Variants in IGFN1 observed in about 807,000 individuals in gnomAD.
The protein encoded by IGFN1 is immunoglobulin like and fibronectin type III domain containing 1.
In IGFN1, 253 loss-of-function variants were observed where a neutral mutation model predicts 289.5. The ratio of observed to expected loss-of-function variants is 0.87; its 90% CI spans 0.79 to 0.97. IGFN1 has a LOEUF of 0.97. IGFN1 is among the 50% of genes least tolerant of loss of function. The pLI, the probability that IGFN1 is intolerant of heterozygous loss-of-function variation, is 0.00. For missense variants in IGFN1, 4,470 were observed against 4,686.1 expected, an observed-to-expected ratio of 0.95 and a Z score of 1.35; for synonymous variants, 1,706 against 1,788.5, an observed-to-expected ratio of 0.95 and a Z score of 1.16.
At chr1:201,222,496 G>A in intron 19 of IGFN1, 1 of 431,892 alleles carries the variant, frequency 2.3e-6, no homozygotes, top group South Asian at 4.9e-5. Flanking sequence ...CCCTCTCCCT[G>A]CAGGGTTCCT....
At chr1:201,204,964 T>C (rs890919282) in intron 10 of IGFN1, 118 bp from the exon 11 acceptor site, 1 of 1,001,684 alleles carries the variant, frequency 1.0e-6, no homozygotes, top group Admixed American at 2.8e-5. Flanking sequence ...CAAGGTAACA[T>C]GGGGAGTTTG....
At position 201,197,227 on chromosome 1, in the gene IGFN1, C is replaced by G. The variant is rs1215974725; in HGVS notation, c.277C>G (p.Leu93Val). ...SKEHVLQINK[L>V]TGEDTDLYRC... ...CTTGGCCTCTCTGCAGATCAACAAG[C>G]TGACAGGCGAGGACACGGATCTGTA... Residue 93 changes from leucine to valine, a missense_variant, in exon 5 of 24, where the codon CTG becomes GTG. Transcript: ENST00000335211. The G allele has an allele frequency of 6.5e-7, 1 of 1,550,096 alleles. No individual in the cohort carries two copies. Among genetic ancestry groups the G allele is most frequent in the Admixed American group, 2.0e-5 (1 of 50,994 alleles).
At chr1:201,197,438 C>A in intron 5 of IGFN1, 121 bp downstream of exon 5, 1 of 674,100 alleles carries the variant, frequency 1.5e-6, no homozygotes, top group South Asian at 1.7e-5. Flanking sequence ...CAGGCTGCTG[C>A]CGCTGCTGCA....
In IGFN1 at chr1:201,212,058, A is replaced by G; in HGVS notation, c.7165A>G (p.Arg2389Gly). 1 of 1,536,392 alleles carries G rather than the reference A, an allele frequency of 6.5e-7. No individual in the cohort carries two copies. Among genetic ancestry groups the G allele is most frequent in the South Asian group, 1.2e-5 (1 of 84,064 alleles). The change falls in exon 12 of 24, where the codon AGG becomes GGG. Residue 2389 changes from arginine (R) to glycine (G), a missense_variant. Transcript: ENST00000335211. ...CAGAGGCCATAAAGCCATGGGTCAC[A>G]GGTCAGGATATTGGGTAGCATCAGA... is the stretch of plus-strand genomic sequence containing the variant. Reference protein sequence around the residue: ...GPRGHKAMGHRSGYWVASEGD... With the variant: ...GPRGHKAMGHGSGYWVASEGD...
At chr1:201,217,564 G>A (rs1209890923) in intron 17 of IGFN1, 104 bp downstream of exon 17, 2 of 1,227,202 alleles carry the variant, frequency 1.6e-6, no homozygotes, top group Non-Finnish European at 2.3e-6. Flanking sequence ...TTCTCGTCTA[G>A]GGTGGTTTGG....
chr1:201,205,259 AC>A lies in IGFN1; in HGVS notation c.1096del (p.Arg366GlyfsTer4), dbSNP rs1172108121. 2 of 1,550,930 alleles carry A rather than the reference AC, an allele frequency of 1.3e-6. No homozygotes were observed. The highest frequency in any genetic ancestry group is 1.7e-6 in the Non-Finnish European group (2 of 1,146,956). ...TATGTGTCCCCTGACGGGCTGACCC[AC>A]CGGCTGGTGGTGAGGGGGGCACGTT... is the stretch of plus-strand genomic sequence containing the variant. Reference protein sequence around the residue: ...EVYVSPDGLTHRLVVRGARFS... With the variant: ...EVYVSPDGLTXRLVVRGARFS... On this transcript the variant is annotated frameshift_variant, in exon 11 of 24. Coordinates refer to ENST00000335211, the MANE Select transcript of IGFN1 (RefSeq NM_001164586.2). LOFTEE classifies it high-confidence loss of function.
intron 5 of IGFN1, 129 bp from the exon 6 acceptor site, chr1:201,199,205 G>A (rs899432462): frequency 1.7e-5 from 13 of 784,642 alleles, no homozygotes; most frequent in African/African-American, 8.6e-5. Context: ...GATCGTCCAC[G>A]CCTTAGAGGA....
rs1391334165 is a variant in IGFN1, at chr1:201,209,175, T to A, written c.4282T>A (p.Leu1428Met). ...AATGGGGTCAGGTTATAGGGAGGATTTGGGGGCTCCTGAGGGAATGGGCAC... is the reference window on the plus strand; with the variant it reads ...AATGGGGTCAGGTTATAGGGAGGATATGGGGGCTCCTGAGGGAATGGGCAC... ...GEMGSGYRED[L>M]GAPEGMGTGS... The change falls in exon 12 of 24, where the codon TTG becomes ATG. Residue 1428 changes from leucine to methionine, a missense_variant. Physicochemically the swap from Leu to Met is conservative, Grantham distance 15. Around this residue, in one of 8 missense-constraint regions of IGFN1, gnomAD observed 2,011 missense variants for 1,953.4 expected, o/e 1.03. Transcript: ENST00000335211. 10 of 1,508,254 alleles carry A rather than the reference T, an allele frequency of 6.6e-6. No individual in the cohort carries two copies. Among genetic ancestry groups the A allele is most frequent in the Non-Finnish European group, 7.9e-6 (9 of 1,135,162 alleles). 93.4% of individuals were successfully genotyped at this position (1,508,254 alleles called of 1,614,324 possible).
In IGFN1 at chr1:201,221,527, C is replaced by T. The variant is rs373625559; in HGVS notation, c.9982C>T (p.Gln3328Ter). 47 of 1,613,980 alleles carry T rather than the reference C, an allele frequency of 2.9e-5. No homozygotes were observed. The highest frequency in any genetic ancestry group is 3.8e-5 in the Non-Finnish European group (45 of 1,180,010). ...TCTGAGCTGGGCTGGGCCAGACACC[C>T]AGGAAGGGGATGAAGCCCAGGGGTA... is the stretch of plus-strand genomic sequence containing the variant. ...ITLSWAGPDT[Q>*]EGDEAQGYVV... is the part of the protein sequence containing the mutation. The change falls in exon 19 of 24, where the codon CAG becomes TAG. Residue 3328 changes from glutamine (Q) to a stop codon, truncating the protein, a stop_gained. Coordinates refer to ENST00000335211, the MANE Select transcript of IGFN1 (RefSeq NM_001164586.2). LOFTEE classifies it high-confidence loss of function.
Position 201,207,098 on chromosome 1 carries a change from T to C in IGFN1, c.2205T>C (p.Gly735=). 6.5e-7 allele frequency: 1 copy of C among 1,536,984 alleles called. No homozygotes were observed. The highest frequency in any genetic ancestry group is 8.7e-7 in the Non-Finnish European group (1 of 1,146,864). ...KDFQEPSISG[G]RKFLLGDGSP... The stretch of plus-strand genomic sequence containing the variant: ...TCCAGGAACCATCAATATCAGGTGG[T>C]AGAAAATTCCTTCTGGGAGATGGGA... Residue 735 remains glycine (G), a synonymous_variant, in exon 12 of 24, where the codon GGT becomes GGC. Coordinates refer to ENST00000335211, the MANE Select transcript of IGFN1 (RefSeq NM_001164586.2).
chr1:201,195,876 G>T lies in IGFN1; in HGVS notation c.165G>T (p.Glu55Asp), dbSNP rs868734535. Residue 55 changes from glutamate (E) to aspartate (D), a missense_variant, in exon 4 of 24, where the codon GAG (glutamate) becomes GAT (aspartate). Around this residue, in one of 8 missense-constraint regions of IGFN1, gnomAD observed 2,011 missense variants for 1,953.4 expected, o/e 1.03. Coordinates refer to ENST00000335211, the MANE Select transcript of IGFN1 (RefSeq NM_001164586.2). ...NAVFRAVVCG[E>D]PRPEVRWQNS... Reference sequence around the variant, plus strand: ...TCTTTCGGGCTGTGGTCTGTGGGGAGCCCAGGCCCGAGGTGCGTTGGCAGA... The same window carrying T: ...TCTTTCGGGCTGTGGTCTGTGGGGATCCCAGGCCCGAGGTGCGTTGGCAGA... 3.8e-5 allele frequency: 59 copies of T among 1,551,564 alleles called. No individual in the cohort carries two copies. Among genetic ancestry groups the T allele is most frequent in the Admixed American group, 2.4e-4 (12 of 50,982 alleles).
At chr1:201,225,272 A>AG (rs879665267) in intron 21 of IGFN1, among the ~76,000 whole-genome samples, 1 of 152,306 alleles carries the variant, frequency 6.6e-6, no homozygotes, top group African/African-American at 2.4e-5. Flanking sequence ...CCTGCCCTGG[A>AG]GGAGCTTCTG....
At position 201,212,180 on chromosome 1, in the gene IGFN1, G is replaced by A; in HGVS notation, c.7287G>A (p.Met2429Ile). Reference protein sequence around the residue: ...GPGVEPGMAGMPGTAGGMAHR... With the variant: ...GPGVEPGMAGIPGTAGGMAHR... Reference sequence around the variant, plus strand: ...GGGTGGAACCTGGGATGGCTGGAATGCCAGGCACTGCAGGTGGCATGGCAC... The same window carrying A: ...GGGTGGAACCTGGGATGGCTGGAATACCAGGCACTGCAGGTGGCATGGCAC... The change falls in exon 12 of 24, where the codon ATG (methionine) becomes ATA (isoleucine). Residue 2429 changes from methionine (M) to isoleucine (I), a missense_variant. Transcript: ENST00000335211. 6.5e-7 allele frequency: 1 copy of A among 1,535,756 alleles called. No individual in the cohort carries two copies. The highest frequency in any genetic ancestry group is 2.0e-5 in the Admixed American group (1 of 50,956).
intron 18 of IGFN1, among the ~76,000 whole-genome samples, chr1:201,219,929 TTC>T (rs1653603098): frequency 1.3e-5 from 1 of 76,602 alleles, no homozygotes; most frequent in South Asian, 6.3e-4. Flanking sequence ...TTTCTTTTCT[TTC>T]TCTCTCTCCT....
chr1:201,192,405 A>G lies in IGFN1; in HGVS notation c.-47-842A>G, dbSNP rs138568448. Among the ~76,000 whole-genome samples, 1,384 of 152,154 alleles carry G rather than the reference A, an allele frequency of 9.1e-3. 10 individuals are homozygous for G. Among genetic ancestry groups the G allele is most frequent in the Admixed American group, 0.017 (260 of 15,282 alleles). ...TCAAGACATCCCCCCTCCCTGATTT[A>G]TGGCTCTCATCCCACCCCAGACCCA... On this transcript the variant is annotated intron_variant, in intron 1 of 23. Coordinates refer to ENST00000335211, the MANE Select transcript of IGFN1 (RefSeq NM_001164586.2).
rs997922140 is a variant in IGFN1 at position 201,208,866 on chromosome 1, A to G, written c.3973A>G (p.Arg1325Gly). The G allele has an allele frequency of 1.3e-6, 2 of 1,536,688 alleles. No homozygotes were observed. Among genetic ancestry groups the G allele is most frequent in the Non-Finnish European group, 1.7e-6 (2 of 1,146,778 alleles). The change falls in exon 12 of 24, where the codon AGG becomes GGG. Residue 1325 changes from arginine to glycine, a missense_variant. Around this residue, in one of 8 missense-constraint regions of IGFN1, gnomAD observed 2,011 missense variants for 1,953.4 expected, o/e 1.03. Transcript: ENST00000335211. Reference sequence around the variant, plus strand: ...GGGGTCAATGGATGAAGCAGGTTATAGGAAAGATTTAGGGGCTCCTGAGGG... The same window carrying G: ...GGGGTCAATGGATGAAGCAGGTTATGGGAAAGATTTAGGGGCTCCTGAGGG... ...AMGSMDEAGY[R>G]KDLGAPEGIS...
chr1:201,224,634 C>A, intron 20 of IGFN1, 45 bp from the exon 21 acceptor site: 1 of 1,558,016 alleles, frequency 6.4e-7, no homozygotes, highest in Non-Finnish European at 8.8e-7. Context: ...CTCCATGAAA[C>A]TGCCAGCTTC....
chr1:201,212,572 T>A lies in IGFN1; in HGVS notation c.7679T>A (p.Met2560Lys). 6.5e-7 allele frequency: 1 copy of A among 1,549,708 alleles called. No homozygotes were observed. Among genetic ancestry groups the A allele is most frequent in the South Asian group, 1.2e-5 (1 of 83,900 alleles). The change falls in exon 12 of 24, where the codon ATG becomes AAG. Residue 2560 changes from methionine (M) to lysine (K), a missense_variant. Met to Lys is a moderately conservative substitution (Grantham distance 95, BLOSUM62 -1). Coordinates refer to ENST00000335211, the MANE Select transcript of IGFN1 (RefSeq NM_001164586.2). ...ERDIWKAGPG[M>K]TDRGRVAGQG... ...GACATCTGGAAAGCAGGCCCAGGAA[T>A]GACAGACAGGGGTAGAGTTGCTGGC... is the stretch of plus-strand genomic sequence containing the variant.
At chr1:201,203,631 C>A in intron 9 of IGFN1, 107 bp from the exon 10 acceptor site, 1 of 1,012,656 alleles carries the variant, frequency 9.9e-7, no homozygotes, top group Non-Finnish European at 1.4e-6. Flanking sequence ...TGTTGTCTGG[C>A]GACTGGGCCC....
Sources: allele counts gnomAD v4.1 joint callset (sites outside exome capture counted in the v4.1 genomes callset), GRCh38; gene constraint gnomAD v4.1.1; regional missense constraint gnomAD v4.1.1; transcripts MANE v1.5; gene names NCBI Gene and HGNC (gene_info 2026-07-23, HGNC 2026-07-21).